Variants in HSD17B13 observed in about 807,000 individuals in gnomAD.
HSD17B13 encodes hydroxysteroid 17-beta dehydrogenase 13, also known as 17-beta-hydroxysteroid dehydrogenase 13.
Under a neutral mutation model 31.1 loss-of-function variants are expected in HSD17B13, and 26 were observed. The ratio of observed to expected loss-of-function variants is 0.84; its 90% CI spans 0.61 to 1.16. The LOEUF (loss-of-function observed/expected upper bound fraction) is 1.16. HSD17B13 is among the 50% of genes most tolerant of loss of function. The pLI is 0.00. For synonymous variants in HSD17B13, 141 were observed against 133.7 expected, an observed-to-expected ratio of 1.05 and a Z score of -0.38; for missense variants, 374 against 366.5, an observed-to-expected ratio of 1.02 and a Z score of -0.17.
rs370812362 is a variant in HSD17B13 at position 87,303,807 on chromosome 4, C to T, written c.*1411G>A. On this transcript the variant is annotated 3_prime_UTR_variant, in exon 7 of 7. Coordinates refer to ENST00000328546, the MANE Select transcript of HSD17B13 (RefSeq NM_178135.5). ...ATAGAGACAGAGTTTAGAAGTCAAA[C>T]GTTTTATTTTATAACTACAAGAGGT... 27 of 152,078 alleles carry T rather than the reference C, an allele frequency of 1.8e-4. No individual in the cohort carries two copies. Among genetic ancestry groups the T allele is most frequent in the Admixed American group, 2.0e-4 (3 of 15,288 alleles). 9.4% of individuals were successfully genotyped at this position (152,078 alleles called of 1,614,324 possible).
chr4:87,313,572 G>A (rs1734581283), intron 5 of HSD17B13, among the ~76,000 whole-genome samples: 2 of 151,892 alleles, frequency 1.3e-5, no homozygotes, highest in African/African-American at 4.8e-5. Context: ...GGGTGGTAAC[G>A]GTGATCAAAT....
At chr4:87,311,267 C>A (rs1049468639) in intron 5 of HSD17B13, among the ~76,000 whole-genome samples, 1 of 152,066 alleles carries the variant, frequency 6.6e-6, no homozygotes, top group Non-Finnish European at 1.5e-5. Context: ...CTCTAAATAC[C>A]CTTGGTGGAG....
intron 4 of HSD17B13, 48 bp downstream of exon 4, chr4:87,315,445 C>G (rs777850016): frequency 9.0e-7 from 1 of 1,116,716 alleles, no homozygotes; most frequent in African/African-American, 1.5e-5. Flanking sequence ...GTGTAATGCT[C>G]CCTTCAAAGT....
Position 87,310,367 on chromosome 4 carries a change from TA to T in HSD17B13, c.696-9del. The T allele has an allele frequency of 2.8e-6, 4 of 1,434,604 alleles. No homozygotes were observed. Among genetic ancestry groups the T allele is most frequent in the South Asian group, 1.7e-5 (1 of 59,906 alleles). The allele number at this position is 1,434,604 out of a possible 1,614,324, so 88.9% of individuals were successfully genotyped here. ...TCCAATACAGGCCATAATCTGTGAT[TA>T]AAAAGAGGAAAATATTATTTTTATT... On this transcript the variant is annotated splice_polypyrimidine_tract_variant and intron_variant, in intron 5 of 6. Transcript: ENST00000328546.
rs371392434 is a variant in HSD17B13 at position 87,305,185 on chromosome 4, T to A, written c.*33A>T. ...TGATTCGAAACTATTCATATCATTATCATGCATACATCTCTGGCTGGAGCT... is the reference window on the plus strand; with the variant it reads ...TGATTCGAAACTATTCATATCATTAACATGCATACATCTCTGGCTGGAGCT... On this transcript the variant is annotated 3_prime_UTR_variant, in exon 7 of 7. Coordinates refer to ENST00000328546, the MANE Select transcript of HSD17B13 (RefSeq NM_178135.5). 7.6e-7 allele frequency: 1 copy of A among 1,323,946 alleles called. No homozygotes were observed. Among genetic ancestry groups the A allele is most frequent in the Non-Finnish European group, 1.1e-6 (1 of 931,598 alleles). 82.0% of individuals were successfully genotyped at this position (1,323,946 alleles called of 1,614,324 possible).
Position 87,318,350 on chromosome 4 carries a change from C to A in HSD17B13, c.297G>T (p.Glu99Asp). 6.2e-7 allele frequency: 1 copy of A among 1,612,188 alleles called. No homozygotes were observed. The highest frequency in any genetic ancestry group is 8.5e-7 in the Non-Finnish European group (1 of 1,178,606). The part of the protein sequence containing the change: ...AYVVDCSNRE[E>D]IYRSLNQVKK... ...TCACCTGATTTAGAGAGCGATAGAT[C>A]TCTTCTCTGTTGCTGCAGTCTACCA... is the stretch of plus-strand genomic sequence containing the variant. Residue 99 changes from glutamate to aspartate, a missense_variant, in exon 2 of 7, where the codon GAG (glutamate) becomes GAT (aspartate). Glu to Asp is a conservative substitution (Grantham distance 45). Coordinates refer to ENST00000328546, the MANE Select transcript of HSD17B13 (RefSeq NM_178135.5).
chr4:87,313,663 C>T (rs73839185), intron 5 of HSD17B13, among the ~76,000 whole-genome samples, 160 bp downstream of exon 5: 8,846 of 151,960 alleles, frequency 0.058, 821 homozygotes, highest in African/African-American at 0.2. Context: ...AATGTGTTTT[C>T]CCCCTTTATT....
chr4:87,318,426 T>C lies in HSD17B13; in HGVS notation c.221A>G (p.Glu74Gly), dbSNP rs748117704. The C allele has an allele frequency of 6.2e-7, 1 of 1,613,864 alleles. No individual in the cohort carries two copies. The part of the protein sequence containing the change: ...VLWDINKRGV[E>G]ETAAECRKLG... The stretch of plus-strand genomic sequence containing the variant: ...TTTTCGGCACTCAGCTGCAGTTTCC[T>C]CCACACCGCGCTGTAATTAGGAAGA... Residue 74 changes from glutamate (E) to glycine (G), a missense_variant, in exon 2 of 7, where the codon GAG becomes GGG. By Grantham distance (98) the Glu-to-Gly change is moderately conservative (BLOSUM62 -2). Coordinates refer to ENST00000328546, the MANE Select transcript of HSD17B13 (RefSeq NM_178135.5).
At chr4:87,314,641 T>TCTTTCACA (rs373166006) in intron 4 of HSD17B13, among the ~76,000 whole-genome samples, 3,701 of 142,226 alleles carry the variant, frequency 0.026, 141 homozygotes, top group African/African-American at 0.089. Flanking sequence ...TCTCTCTCTC[T>TCTTTCACA]CACACACACA....
chr4:87,309,340 C>T (rs6531971), intron 6 of HSD17B13, among the ~76,000 whole-genome samples: 66,060 of 144,476 alleles, frequency 0.46, 16,436 homozygotes, highest in African/African-American at 0.67. Context: ...GCCAAGATCA[C>T]GCCACTGCAC....
At chr4:87,320,391 T>G (rs1026249568) in intron 1 of HSD17B13, among the ~76,000 whole-genome samples, 6 of 143,662 alleles carry the variant, frequency 4.2e-5, no homozygotes, top group African/African-American at 1.3e-4. Context: ...AGTTTTTTTT[T>G]TTTTTTTTTT....
chr4:87,317,088 T>A lies in HSD17B13; in HGVS notation c.450+4A>T. The stretch of plus-strand genomic sequence containing the variant: ...AATCAGAAATGTTTCTGACTCACAC[T>A]CACCCAAAAATGTCCTAGGATGTTG... On this transcript the variant is annotated splice_donor_region_variant and intron_variant, in intron 3 of 6. Transcript: ENST00000328546. The A allele has an allele frequency of 6.2e-7, 1 of 1,613,864 alleles. No individual in the cohort carries two copies. Among genetic ancestry groups the A allele is most frequent in the Non-Finnish European group, 8.5e-7 (1 of 1,179,774 alleles).
intron 6 of HSD17B13, among the ~76,000 whole-genome samples, chr4:87,306,441 T>G (rs1351544493): frequency 2.6e-5 from 4 of 152,232 alleles, no homozygotes; most frequent in African/African-American, 9.6e-5. Flanking sequence ...TCTTTGATAT[T>G]GTTTAGCTGA....
chr4:87,313,086 CT>C (rs143987744), intron 5 of HSD17B13, among the ~76,000 whole-genome samples: 25,952 of 149,684 alleles, frequency 0.17, 2,395 homozygotes, highest in African/African-American at 0.23. Flanking sequence ...AAAACAAAAA[CT>C]TTTTTTTTTC....
rs1005156609 is a variant in HSD17B13 at position 87,310,353 on chromosome 4, C to A, written c.702G>T (p.Trp234Cys). The change falls in exon 6 of 7, where the codon TGG (tryptophan) becomes TGT (cysteine). Residue 234 changes from tryptophan (W) to cysteine (C), a missense_variant. Transcript: ENST00000328546. ...GFTKNPSTRL[W>C]PVLETDEVVR... ...CGACTTCATCTGTCTCCAATACAGGCCATAATCTGTGATTAAAAAGAGGAA... is the reference window on the plus strand; with the variant it reads ...CGACTTCATCTGTCTCCAATACAGGACATAATCTGTGATTAAAAAGAGGAA... 2 of 1,462,342 alleles carry A rather than the reference C, an allele frequency of 1.4e-6. No homozygotes were observed. Among genetic ancestry groups the A allele is most frequent in the Non-Finnish European group, 1.8e-6 (2 of 1,109,298 alleles). 90.6% of individuals were successfully genotyped at this position (1,462,342 alleles called of 1,614,324 possible). A position where few individuals can be genotyped will look rare whatever the true frequency, so the allele number is the denominator to read the frequency against.
In HSD17B13 at chr4:87,308,485, TAAAAAAAAAAAAAAAAAAAAA is replaced by T. The variant is rs893354684; in HGVS notation, c.812+1737_812+1757del. ...TAACAGGGTGAAACCCCGTCTCTAC[TAAAAAAAAAAAAAAAAAAAAA>T]AAAAAAAAAAAAAAAAAAAAAAAAA... On this transcript the variant is annotated intron_variant, in intron 6 of 6. Coordinates refer to ENST00000328546, the MANE Select transcript of HSD17B13 (RefSeq NM_178135.5). Among the ~76,000 whole-genome samples, 271 of 33,208 alleles carry T rather than the reference TAAAAAAAAAAAAAAAAAAAAA, an allele frequency of 8.2e-3. 3 individuals carry two copies. The highest frequency in any genetic ancestry group is 0.033 in the Middle Eastern group (1 of 30). 21.8% of individuals were successfully genotyped at this position (33,208 alleles called of 152,430 possible).
At chr4:87,320,671 G>A (rs1734766227) in intron 1 of HSD17B13, among the ~76,000 whole-genome samples, 1 of 152,206 alleles carries the variant, frequency 6.6e-6, no homozygotes, top group African/African-American at 2.4e-5. Context: ...ACAGGCGTGA[G>A]CCACCGCGTC....
At position 87,308,940 on chromosome 4, in the gene HSD17B13, A is replaced by C. The variant is rs569999938; in HGVS notation, c.812+1303T>G. Among the ~76,000 whole-genome samples, 3 of 151,388 alleles carry C rather than the reference A, an allele frequency of 2.0e-5. No homozygotes were observed. In the East Asian group the frequency reaches 5.8e-4, roughly 29 times the overall value. Reference sequence around the variant, plus strand: ...GAGGCCCAGGAATCTACCAAAAAAAAAAAAGCTTATCGAGTTTAGCAAAAA... The same window carrying C: ...GAGGCCCAGGAATCTACCAAAAAAACAAAAGCTTATCGAGTTTAGCAAAAA... On this transcript the variant is annotated intron_variant, in intron 6 of 6. Transcript: ENST00000328546.
At chr4:87,314,077 T>G in intron 4 of HSD17B13, 117 bp from the exon 5 acceptor site, 1 of 695,904 alleles carries the variant, frequency 1.4e-6, no homozygotes, top group Non-Finnish European at 2.2e-6. Context: ...AATCAGCCAC[T>G]TGTGATTTTT....
Sources: allele counts gnomAD v4.1 joint callset (sites outside exome capture counted in the v4.1 genomes callset), GRCh38; gene constraint gnomAD v4.1.1; transcripts MANE v1.5; gene names NCBI Gene and HGNC (gene_info 2026-07-23, HGNC 2026-07-21).